Variants in PCDHGA3 observed in about 807,000 individuals in gnomAD.
The protein encoded by PCDHGA3 is protocadherin gamma subfamily A, 3.
Under a neutral mutation model 58.5 loss-of-function variants are expected in PCDHGA3, and 40 were observed. That is an observed-to-expected ratio of 0.68 (90% CI 0.53 to 0.89). The LOEUF is 0.89. Ranked by LOEUF, PCDHGA3 falls within the 40% of genes least tolerant of loss-of-function variation. PCDHGA3 has a pLI of 0.00. For synonymous variants in PCDHGA3, 530 were observed against 525.7 expected, an observed-to-expected ratio of 1.01 and a Z score of -0.11; for missense variants, 1,223 against 1,195.9, an observed-to-expected ratio of 1.02 and a Z score of -0.33.
intron 2 of PCDHGA3, among the ~76,000 whole-genome samples, chr5:141,499,149 A>G (rs1215155217): frequency 6.6e-6 from 1 of 152,084 alleles, no homozygotes; most frequent in African/African-American, 2.4e-5. Context: ...TCTGATCCCA[A>G]TAGCTGTTGT....
chr5:141,426,311 G>C (rs895147447), intron 1 of PCDHGA3: 7 of 173,614 alleles, frequency 4.0e-5, no homozygotes, highest in Middle Eastern at 2.9e-3. Context: ...AAGCAGAGAA[G>C]CAGGACCCGG....
rs529966095 is a variant in PCDHGA3 at position 141,499,776 on chromosome 5, TC to T, written c.2483+4914del. 3.7e-3 allele frequency among the ~76,000 whole-genome samples: 528 copies of T among 141,410 alleles called. 6 individuals carry two copies. Among genetic ancestry groups the T allele is most frequent in the Non-Finnish European group, 4.2e-3 (282 of 66,550 alleles). The allele number at this position is 141,410 out of a possible 152,430, so 92.8% of individuals were successfully genotyped here. ...ATCTCAGCTCACTGCAGCCTTCGCCTCCCGGGTTCAAGCAATTCTCATGCTT... is the reference window on the plus strand; with the variant it reads ...ATCTCAGCTCACTGCAGCCTTCGCCTCCGGGTTCAAGCAATTCTCATGCTT... On this transcript the variant is annotated intron_variant, in intron 2 of 3. Coordinates refer to ENST00000253812, the MANE Select transcript of PCDHGA3 (RefSeq NM_018916.4).
rs1160304959 is a variant in PCDHGA3, at chr5:141,490,969, C to A, written c.2425-3838C>A. On this transcript the variant is annotated intron_variant, in intron 1 of 3. Coordinates refer to ENST00000253812, the MANE Select transcript of PCDHGA3 (RefSeq NM_018916.4). This position sits in a 1 kb window ranked among gnomAD's most constrained non-coding sequence, Gnocchi z 5.4. ...GCCAGACTGGGAACACTCAGCCCCC[C>A]AGCGTCTCCCTCGCTCTGCTCCTCC... The A allele has an allele frequency of 2.5e-6, 4 of 1,613,820 alleles. No individual in the cohort carries two copies. In the African/African-American group the frequency reaches 4.0e-5, roughly 16 times the overall value.
At chr5:141,410,124 G>T in intron 1 of PCDHGA3, 1 of 1,612,726 alleles carries the variant, frequency 6.2e-7, no homozygotes, top group South Asian at 1.1e-5. Flanking sequence ...GCCCGCCAGC[G>T]CCTGCTGGTC....
chr5:141,476,190 C>T lies in PCDHGA3; in HGVS notation c.2425-18617C>T. On this transcript the variant is annotated intron_variant, in intron 1 of 3. Transcript: ENST00000253812. The surrounding 1 kb of genome is among the most constrained non-coding windows in gnomAD (Gnocchi z 7.6). ...GTGGGAGTTTTGCTTCTGCTTGGTG[C>T]CTTGAACAAGGCTTCCACGGTCATT... is the stretch of plus-strand genomic sequence containing the variant. 3.1e-6 allele frequency: 5 copies of T among 1,613,694 alleles called. No individual in the cohort carries two copies. The highest frequency in any genetic ancestry group is 4.2e-6 in the Non-Finnish European group (5 of 1,179,988).
rs2099695710 is a variant in PCDHGA3, at chr5:141,490,068, A to G, written c.2425-4739A>G. On this transcript the variant is annotated intron_variant, in intron 1 of 3. Coordinates refer to ENST00000253812, the MANE Select transcript of PCDHGA3 (RefSeq NM_018916.4). This position sits in a 1 kb window ranked among gnomAD's most constrained non-coding sequence, Gnocchi z 5.4. ...ATCCAGACGAGGGCACCAACGGCCA[A>G]CTAGACTATTCTTTTGGAGACCACA... is the stretch of plus-strand genomic sequence containing the variant. 2 of 1,614,152 alleles carry G rather than the reference A, an allele frequency of 1.2e-6. No homozygotes were observed. The highest frequency in any genetic ancestry group is 1.6e-4 in the Middle Eastern group (1 of 6,084).
intron 1 of PCDHGA3, chr5:141,387,709 A>C (rs1404514491): frequency 3.7e-5 from 37 of 1,008,514 alleles, no homozygotes; most frequent in Admixed American, 1.5e-4. Flanking sequence ...GGGCAGCCCC[A>C]GCTCAGACTC....
chr5:141,446,468 A>G (rs2098503159), intron 1 of PCDHGA3, among the ~76,000 whole-genome samples: 1 of 149,982 alleles, frequency 6.7e-6, no homozygotes, highest in African/African-American at 2.5e-5. Flanking sequence ...GTGATTAGAC[A>G]TATGGTCATC....
chr5:141,434,178 G>C (rs960680568), intron 1 of PCDHGA3, among the ~76,000 whole-genome samples: 1 of 152,178 alleles, frequency 6.6e-6, no homozygotes, highest in African/African-American at 2.4e-5. Flanking sequence ...TTATATCCAA[G>C]ATTTGTAATT....
intron 1 of PCDHGA3, chr5:141,366,264 C>A (rs1421059468): frequency 6.2e-7 from 1 of 1,613,686 alleles, no homozygotes; most frequent in Non-Finnish European, 8.5e-7. Flanking sequence ...CTCGTGGTGG[C>A]CGTCGAAGAC....
At chr5:141,419,761 C>A in intron 1 of PCDHGA3, 1 of 1,614,008 alleles carries the variant, frequency 6.2e-7, no homozygotes, top group South Asian at 1.1e-5. Context: ...CTTTGGGTGA[C>A]AAGGACTCGG....
intron 1 of PCDHGA3, chr5:141,400,228 C>T: frequency 1.2e-6 from 2 of 1,614,030 alleles, no homozygotes; most frequent in African/African-American, 2.7e-5. Flanking sequence ...GCTCTTCCTC[C>T]TGGCCGTGAT....
intron 1 of PCDHGA3, among the ~76,000 whole-genome samples, chr5:141,483,679 CAGAA>C (rs1470395939): frequency 6.7e-6 from 1 of 149,028 alleles, no homozygotes; most frequent in Non-Finnish European, 1.5e-5. Flanking sequence ...TAAAAGAACA[CAGAA>C]AGCCAGATTC....
At chr5:141,387,920 G>A in intron 1 of PCDHGA3, 12 of 1,481,924 alleles carry the variant, frequency 8.1e-6, no homozygotes, top group Non-Finnish European at 1.1e-5. Context: ...GCCGGGCTGA[G>A]AGGCTGCCAG....
intron 1 of PCDHGA3, chr5:141,424,602 T>G (rs2154550827): frequency 6.6e-6 from 1 of 152,334 alleles, no homozygotes; most frequent in African/African-American, 2.4e-5. Flanking sequence ...GTCTACAGAT[T>G]TATTCAAATA....
intron 1 of PCDHGA3, chr5:141,399,601 C>T: frequency 6.2e-7 from 1 of 1,613,986 alleles, no homozygotes; most frequent in South Asian, 1.1e-5. Context: ...GGCCAGCGAC[C>T]TAGAGCCTCT....
In PCDHGA3 at chr5:141,454,796, ATTTTT is replaced by A. The variant is rs61612330; in HGVS notation, c.2425-39986_2425-39982del. Among the ~76,000 whole-genome samples the A allele has an allele frequency of 4.9e-3, 378 of 77,354 alleles. 2 individuals carry two copies. Among genetic ancestry groups the A allele is most frequent in the Admixed American group, 9.2e-3 (51 of 5,544 alleles). 50.7% of individuals were successfully genotyped at this position (77,354 alleles called of 152,430 possible). On this transcript the variant is annotated intron_variant, in intron 1 of 3. Coordinates refer to ENST00000253812, the MANE Select transcript of PCDHGA3 (RefSeq NM_018916.4). ...AAGGAAATAATCCTCCATGGTTCTA[ATTTTT>A]TTTTTTTTTTTTTTTTTTTTTTTTG...
Position 141,477,912 on chromosome 5 carries a change from A to T in PCDHGA3, c.2425-16895A>T. The T allele has an allele frequency of 6.2e-7, 1 of 1,614,166 alleles. No individual in the cohort carries two copies. Among genetic ancestry groups the T allele is most frequent in the Non-Finnish European group, 8.5e-7 (1 of 1,180,022 alleles). ...TCACGGGTGGTAGGCTGGGACGCGGATGCAGGGCACAATGCCTGGCTCTCC... is the reference window on the plus strand; with the variant it reads ...TCACGGGTGGTAGGCTGGGACGCGGTTGCAGGGCACAATGCCTGGCTCTCC... On this transcript the variant is annotated intron_variant, in intron 1 of 3. Coordinates refer to ENST00000253812, the MANE Select transcript of PCDHGA3 (RefSeq NM_018916.4). This position sits in a 1 kb window ranked among gnomAD's most constrained non-coding sequence, Gnocchi z 4.9.
rs375228847 is a variant in PCDHGA3, at chr5:141,431,219, C to G, written c.2425-63588C>G. ...TGCAGCCACTGAGATGCGGTTCCCTCTACCCCACGCCTGGGATCCGGATAT... is the reference window on the plus strand; with the variant it reads ...TGCAGCCACTGAGATGCGGTTCCCTGTACCCCACGCCTGGGATCCGGATAT... On this transcript the variant is annotated intron_variant, in intron 1 of 3. Coordinates refer to ENST00000253812, the MANE Select transcript of PCDHGA3 (RefSeq NM_018916.4). This position sits in a 1 kb window ranked among gnomAD's most constrained non-coding sequence, Gnocchi z 4.8. 2.5e-6 allele frequency: 4 copies of G among 1,614,180 alleles called. No individual in the cohort carries two copies. The highest frequency in any genetic ancestry group is 1.6e-4 in the Middle Eastern group (1 of 6,062).
Sources: gnomAD v4.1 joint callset for allele counts (sites outside exome capture counted in the v4.1 genomes callset) on GRCh38, gnomAD v4.1.1 for gene constraint, Gnocchi (gnomAD v3.1) non-coding constraint, MANE v1.5 for transcripts, NCBI Gene and HGNC (gene_info 2026-07-23, HGNC 2026-07-21) for gene names.